Variants in KIAA1217 observed in about 807,000 individuals in gnomAD.
The protein encoded by KIAA1217 is sickle tail protein homolog.
A neutral mutation model predicts 163.9 loss-of-function variants in KIAA1217; 88 were observed. The observed-to-expected ratio is 0.54, with a 90% CI of 0.45 to 0.64. KIAA1217 has a LOEUF of 0.64. Among genes scored for constraint, KIAA1217 ranks in the 30% least tolerant of loss-of-function variants. The pLI, the probability that KIAA1217 is intolerant of heterozygous loss-of-function variation, is 0.00. For synonymous variants in KIAA1217, 903 were observed against 923.1 expected (o/e 0.98, Z 0.39); for missense variants, 2,372 against 2,475.0 (o/e 0.96, Z 0.88).
chr10:24,046,391 A>T (rs1284950022), intron 2 of KIAA1217, among the ~76,000 whole-genome samples: 2 of 152,156 alleles, frequency 1.3e-5, no homozygotes, highest in African/African-American at 4.8e-5. Flanking sequence ...AAGGAAACAG[A>T]CAGAGAGTGT....
At chr10:23,855,944 C>T (rs1839635186) in intron 1 of KIAA1217, among the ~76,000 whole-genome samples, 1 of 152,058 alleles carries the variant, frequency 6.6e-6, no homozygotes, top group Admixed American at 6.5e-5. Flanking sequence ...AACTTCTTTG[C>T]CTTTGGTTTG....
chr10:24,428,788 G>A (rs1356501656), intron 3 of KIAA1217, among the ~76,000 whole-genome samples: 2 of 150,886 alleles, frequency 1.3e-5, no homozygotes, highest in Non-Finnish European at 2.9e-5. Flanking sequence ...GTAGTTTGAG[G>A]CTGCAGTGAG....
At chr10:24,317,525 A>T (rs2133207334) in intron 2 of KIAA1217, among the ~76,000 whole-genome samples, 1 of 152,306 alleles carries the variant, frequency 6.6e-6, no homozygotes, top group African/African-American at 2.4e-5. Flanking sequence ...TGATGAGGAA[A>T]ATACATTGCT....
At chr10:24,030,488 C>A (rs951206826) in intron 2 of KIAA1217, among the ~76,000 whole-genome samples, 1 of 152,138 alleles carries the variant, frequency 6.6e-6, no homozygotes, top group Non-Finnish European at 1.5e-5. Context: ...GAGGCCTCTT[C>A]AGCCATGTGC....
At chr10:24,025,942 T>A (rs531455011) in intron 2 of KIAA1217, among the ~76,000 whole-genome samples, 2 of 151,994 alleles carry the variant, frequency 1.3e-5, no homozygotes, top group Non-Finnish European at 2.9e-5. Context: ...ACAATAACGT[T>A]ATTTATAAAT....
chr10:23,971,465 G>A (rs909744634), intron 1 of KIAA1217, among the ~76,000 whole-genome samples: 2 of 152,114 alleles, frequency 1.3e-5, no homozygotes, highest in Admixed American at 6.5e-5. Flanking sequence ...GATTGGTTGG[G>A]GGGGAACCTC....
At chr10:23,866,118 A>C (rs1840170434) in intron 1 of KIAA1217, among the ~76,000 whole-genome samples, 1 of 152,192 alleles carries the variant, frequency 6.6e-6, no homozygotes, top group Admixed American at 6.5e-5. Flanking sequence ...AAATAAAATA[A>C]ATAAAGTAAC....
chr10:24,338,679 G>A lies in KIAA1217; in HGVS notation c.355-42190G>A, dbSNP rs144661553. On this transcript the variant is annotated intron_variant, in intron 2 of 20. Transcript: ENST00000376454. ...GGTTTTCTTTTCACATAATGTAAAC[G>A]TATTTGCTTTTTCCTCATTCTAGAA... Among the ~76,000 whole-genome samples the A allele has an allele frequency of 5.2e-4, 79 of 152,248 alleles. 2 individuals carry two copies. The highest frequency in any genetic ancestry group is 3.4e-3 in the Middle Eastern group (1 of 294).
At chr10:23,831,528 T>C (rs1301459287) in intron 1 of KIAA1217, among the ~76,000 whole-genome samples, 3 of 152,180 alleles carry the variant, frequency 2.0e-5, no homozygotes, top group African/African-American at 7.2e-5. Flanking sequence ...AGGGATTTCC[T>C]TGGTGTTTGC....
Position 24,544,216 on chromosome 10 carries a change from C to G in KIAA1217, c.4946C>G (p.Thr1649Arg). Residue 1649 changes from threonine (T) to arginine (R), a missense_variant, in exon 19 of 21, where the codon ACA (threonine) becomes AGA (arginine). Coordinates refer to ENST00000376454, the MANE Select transcript of KIAA1217 (RefSeq NM_019590.5). ...RRQEQPSIESTSPISRTDEIR... is the reference protein window; with the variant it reads ...RRQEQPSIESRSPISRTDEIR... ...CAAGAGCAGCCCAGCATCGAGAGTA[C>G]ATCTCCGATTTCAAGAACTGATGAA... 6.2e-7 allele frequency: 1 copy of G among 1,614,088 alleles called. No individual in the cohort carries two copies. Among genetic ancestry groups the G allele is most frequent in the Non-Finnish European group, 8.5e-7 (1 of 1,180,008 alleles).
chr10:24,408,873 G>A (rs11815385), intron 3 of KIAA1217, among the ~76,000 whole-genome samples: 1 of 151,700 alleles, frequency 6.6e-6, no homozygotes, highest in Non-Finnish European at 1.5e-5. Flanking sequence ...TATAGTATAC[G>A]CTCATTCTTA....
intron 2 of KIAA1217, among the ~76,000 whole-genome samples, chr10:24,237,778 A>G (rs920596455): frequency 3.3e-5 from 5 of 152,216 alleles, no homozygotes; most frequent in African/African-American, 7.2e-5. Flanking sequence ...TTCATCTCAC[A>G]GAGACATTAA....
At chr10:23,840,450 T>C (rs1838716575) in intron 1 of KIAA1217, among the ~76,000 whole-genome samples, 1 of 152,120 alleles carries the variant, frequency 6.6e-6, no homozygotes, top group East Asian at 1.9e-4. Context: ...CCACTGTGCC[T>C]GGCCGATTAT....
chr10:23,919,848 C>G (rs1842787082), intron 1 of KIAA1217, among the ~76,000 whole-genome samples: 1 of 152,114 alleles, frequency 6.6e-6, no homozygotes, highest in African/African-American at 2.4e-5. Flanking sequence ...AAATTCTGCC[C>G]CATGACACCT....
At chr10:24,257,044 G>A (rs1396968324) in intron 2 of KIAA1217, among the ~76,000 whole-genome samples, 1 of 152,100 alleles carries the variant, frequency 6.6e-6, no homozygotes, top group East Asian at 1.9e-4. Context: ...AAGATGGTCA[G>A]GAAAACAATT....
At chr10:24,259,229 A>G (rs1392327040) in intron 2 of KIAA1217, among the ~76,000 whole-genome samples, 1 of 152,080 alleles carries the variant, frequency 6.6e-6, no homozygotes, top group Non-Finnish European at 1.5e-5. Context: ...TTTTTACAAA[A>G]TAGATGTGGG....
At chr10:24,504,526 G>A (rs1269669763) in intron 9 of KIAA1217, among the ~76,000 whole-genome samples, 1 of 152,170 alleles carries the variant, frequency 6.6e-6, no homozygotes, top group Non-Finnish European at 1.5e-5. Context: ...CCTTCAACAT[G>A]TGCGGTATTA....
chr10:24,455,776 A>G (rs910038569), intron 5 of KIAA1217, among the ~76,000 whole-genome samples: 1 of 152,244 alleles, frequency 6.6e-6, no homozygotes, highest in African/African-American at 2.4e-5. Flanking sequence ...GATAATTGCA[A>G]TTTGAGTCTA....
intron 2 of KIAA1217, among the ~76,000 whole-genome samples, chr10:24,298,441 G>T (rs1050242399): frequency 6.6e-6 from 1 of 152,152 alleles, no homozygotes; most frequent in African/African-American, 2.4e-5. Flanking sequence ...AGCCTCATTA[G>T]TTCCTGTCTT....
Sources: gnomAD v4.1 joint callset for allele counts (sites outside exome capture counted in the v4.1 genomes callset) on GRCh38, gnomAD v4.1.1 for gene constraint, MANE v1.5 for transcripts, NCBI Gene and HGNC (gene_info 2026-07-23, HGNC 2026-07-21) for gene names.